CACNA1C: variants seen among roughly 807,000 people sequenced by gnomAD.
The protein encoded by CACNA1C is calcium voltage-gated channel subunit alpha1 C, also known as voltage-dependent L-type calcium channel subunit alpha-1C.
A neutral mutation model predicts 229.0 loss-of-function variants in CACNA1C; 30 were observed. The observed-to-expected ratio is 0.13, with a 90% CI of 0.10 to 0.18. The LOEUF is 0.18. CACNA1C is among the 10% of genes least tolerant of loss of function. The pLI, the probability that CACNA1C is intolerant of heterozygous loss-of-function variation, is 1.00. For synonymous variants in CACNA1C, 1,114 were observed against 1,132.5 expected (o/e 0.98, Z 0.33); for missense variants, 1,658 against 2,845.0 (o/e 0.58, Z 9.49).
chr12:2,098,469 T>A (rs1253124675), intron 1 of CACNA1C, among the ~76,000 whole-genome samples: 1 of 152,214 alleles, frequency 6.6e-6, no homozygotes, highest in Non-Finnish European at 1.5e-5. Context: ...GTGTATGTAA[T>A]GTTTTTAGTG....
chr12:2,328,802 ATCT>A (rs1323451226), intron 3 of CACNA1C, among the ~76,000 whole-genome samples: 1 of 152,186 alleles, frequency 6.6e-6, no homozygotes, highest in East Asian at 1.9e-4. Context: ...TTGCTAATGC[ATCT>A]TCTTTATTGT....
At chr12:2,414,273 C>T (rs2154554318) in intron 3 of CACNA1C, among the ~76,000 whole-genome samples, 1 of 152,292 alleles carries the variant, frequency 6.6e-6, no homozygotes, top group African/African-American at 2.4e-5. Context: ...CCACTAGAGC[C>T]CATCATTTTC....
intron 3 of CACNA1C, among the ~76,000 whole-genome samples, chr12:2,387,607 G>A (rs958436592): frequency 6.6e-6 from 1 of 152,208 alleles, no homozygotes; most frequent in Non-Finnish European, 1.5e-5. Context: ...AAAATGCTAG[G>A]TTCCATCCAG....
At position 2,633,696 on chromosome 12, in the gene CACNA1C, T is replaced by A. The variant is rs777649184; in HGVS notation, c.3829-601T>A. 1 of 1,595,020 alleles carries A rather than the reference T, an allele frequency of 6.3e-7. No homozygotes were observed. Among genetic ancestry groups the A allele is most frequent in the Non-Finnish European group, 8.6e-7 (1 of 1,162,704 alleles). The stretch of plus-strand genomic sequence containing the variant: ...GTAATTGGCAGCATAATTGACGTCA[T>A]TCTCAGTGAGACTAATGTGAGTATT... On this transcript the variant is annotated intron_variant, in intron 29 of 46. Coordinates refer to ENST00000399655, the MANE Select transcript of CACNA1C (RefSeq NM_000719.7). The surrounding 1 kb of genome is among the most constrained non-coding windows in gnomAD (Gnocchi z 5.8).
chr12:2,506,354 G>A (rs2099771868), intron 8 of CACNA1C, among the ~76,000 whole-genome samples: 1 of 152,174 alleles, frequency 6.6e-6, no homozygotes, highest in Non-Finnish European at 1.5e-5. Context: ...CTGAATCAAA[G>A]CAGAAATTGA....
intron 43 of CACNA1C, among the ~76,000 whole-genome samples, chr12:2,685,313 G>A (rs1473342446): frequency 2.4e-4 from 36 of 150,976 alleles, no homozygotes; most frequent in Admixed American, 1.8e-3. Context: ...GTGGCAGGGC[G>A]GGAGAAATCG....
chr12:2,056,524 G>A (rs2054963015), intron 1 of CACNA1C, among the ~76,000 whole-genome samples: 2 of 148,252 alleles, frequency 1.3e-5, no homozygotes, highest in South Asian at 4.3e-4. Context: ...GGAGAAACAT[G>A]TGTTTGGGGA....
At chr12:2,103,034 G>T (rs537977957) in intron 1 of CACNA1C, among the ~76,000 whole-genome samples, 4 of 152,174 alleles carry the variant, frequency 2.6e-5, no homozygotes, top group Non-Finnish European at 5.9e-5. Context: ...GAACGGTGCC[G>T]CAGTAAACAT....
chr12:2,213,076 C>G (rs2097977827), intron 3 of CACNA1C, among the ~76,000 whole-genome samples: 1 of 152,184 alleles, frequency 6.6e-6, no homozygotes, highest in South Asian at 2.1e-4. Context: ...CTCCTGACTC[C>G]CACAGATGCC....
rs544823797 is a variant in CACNA1C, at chr12:2,306,942, A to T, written c.478-142034A>T. Among the ~76,000 whole-genome samples the T allele has an allele frequency of 8.7e-4, 132 of 152,316 alleles. No individual in the cohort carries two copies. In the South Asian group the frequency reaches 0.01, roughly 12 times the overall value. On this transcript the variant is annotated intron_variant, in intron 3 of 46. Coordinates refer to ENST00000399655, the MANE Select transcript of CACNA1C (RefSeq NM_000719.7). ...TAGTAGCGTCCATTGGCTGTCAGGA[A>T]TTATGCTGTTGGCACTTCCCCAGCC...
At position 2,475,491 on chromosome 12, in the gene CACNA1C, T is replaced by C. The variant is rs532905334; in HGVS notation, c.758-10613T>C. ...TAACTGTATTTACCACATTCAGAGA[T>C]ATCAAAGACAGGACTGGTAATTTTC... On this transcript the variant is annotated intron_variant, in intron 5 of 46. Coordinates refer to ENST00000399655, the MANE Select transcript of CACNA1C (RefSeq NM_000719.7). 9.6e-4 allele frequency among the ~76,000 whole-genome samples: 146 copies of C among 152,272 alleles called. No homozygotes were observed. The South Asian group carries it at 9.9e-3, about 10-fold the overall frequency.
rs1336633251 is a variant in CACNA1C, at chr12:1,993,009, A to G, written c.139+21808A>G. 34 of 636,688 alleles carry G rather than the reference A, an allele frequency of 5.3e-5. No homozygotes were observed. The East Asian group carries it at 9.0e-4, about 17-fold the overall frequency. 39.4% of individuals were successfully genotyped at this position (636,688 alleles called of 1,614,324 possible). On this transcript the variant is annotated intron_variant, in intron 1 of 46. Coordinates refer to the CACNA1C transcript ENST00000682462. ...GGCTTAAGATCAGCAATGGGTTCACACTACAAATCCATAAAGCTTCAAAAG... is the reference window on the plus strand; with the variant it reads ...GGCTTAAGATCAGCAATGGGTTCACGCTACAAATCCATAAAGCTTCAAAAG...
chr12:2,005,937 TAA>T (rs1384930214), intron 1 of CACNA1C, among the ~76,000 whole-genome samples: 1 of 152,252 alleles, frequency 6.6e-6, no homozygotes, highest in Admixed American at 6.5e-5. Context: ...AAAACTCTAT[TAA>T]AATATCCATC....
At chr12:2,069,581 A>G (rs2060485268) in intron 1 of CACNA1C, among the ~76,000 whole-genome samples, 1 of 152,232 alleles carries the variant, frequency 6.6e-6, no homozygotes, top group African/African-American at 2.4e-5. Flanking sequence ...ATGTATTGTT[A>G]TCTGTCACAT....
intron 21 of CACNA1C, among the ~76,000 whole-genome samples, chr12:2,600,461 A>G (rs1038861435): frequency 1.3e-5 from 2 of 152,212 alleles, no homozygotes; most frequent in Non-Finnish European, 2.9e-5. Flanking sequence ...TCTGATTCCA[A>G]AGAGATGAAC....
chr12:2,057,885 T>G (rs1472367550), intron 1 of CACNA1C, among the ~76,000 whole-genome samples: 2 of 152,184 alleles, frequency 1.3e-5, no homozygotes, highest in African/African-American at 4.8e-5. Context: ...CCCAGACCTG[T>G]GCAGTCACAG....
chr12:1,978,287 T>C (rs1463352817), intron 1 of CACNA1C, among the ~76,000 whole-genome samples: 2 of 152,228 alleles, frequency 1.3e-5, no homozygotes, highest in African/African-American at 2.4e-5. Flanking sequence ...TTTGGTATTA[T>C]GTTGGTTTAA....
At chr12:2,300,377 T>C (rs1330772605) in intron 3 of CACNA1C, among the ~76,000 whole-genome samples, 1 of 152,176 alleles carries the variant, frequency 6.6e-6, no homozygotes, top group Non-Finnish European at 1.5e-5. Context: ...CCCAGCACTT[T>C]GGAAGGCTGA....
At chr12:2,374,198 C>T in intron 3 of CACNA1C, among the ~76,000 whole-genome samples, 1 of 152,242 alleles carries the variant, frequency 6.6e-6, no homozygotes, top group East Asian at 1.9e-4. Flanking sequence ...TCTGATTCAT[C>T]TCTCTGCCTT....
Sources: allele counts gnomAD v4.1 joint callset (sites outside exome capture counted in the v4.1 genomes callset), GRCh38; gene constraint gnomAD v4.1.1; non-coding constraint Gnocchi (gnomAD v3.1); transcripts MANE v1.5; gene names NCBI Gene and HGNC (gene_info 2026-07-23, HGNC 2026-07-21).